TRIM71: variants seen among roughly 807,000 people sequenced by gnomAD.
TRIM71 encodes the protein E3 ubiquitin-protein ligase TRIM71.
A neutral mutation model predicts 61.2 loss-of-function variants in TRIM71; 9 were observed. The ratio of observed to expected loss-of-function variants is 0.15; its 90% CI spans 0.09 to 0.26. The LOEUF is 0.26. Ranked by LOEUF, TRIM71 falls within the 10% of genes least tolerant of loss-of-function variation. TRIM71 has a pLI of 1.00. For synonymous variants in TRIM71, 645 were observed against 553.2 expected, an observed-to-expected ratio of 1.17 and a Z score of -2.33; for missense variants, 998 against 1,238.7, an observed-to-expected ratio of 0.81 and a Z score of 2.92.
intron 1 of TRIM71, among the ~76,000 whole-genome samples, chr3:32,820,149 G>A (rs991198074): frequency 6.6e-6 from 1 of 152,228 alleles, no homozygotes; most frequent in Admixed American, 6.5e-5. Flanking sequence ...GTAAGCTGGA[G>A]ACTGCAGAGG....
At chr3:32,868,636 C>CT (rs113638525) in intron 1 of TRIM71, among the ~76,000 whole-genome samples, 3,442 of 133,984 alleles carry the variant, frequency 0.026, 128 homozygotes, top group African/African-American at 0.085. Flanking sequence ...TAGAATAAAG[C>CT]TTTTTTTTTT....
chr3:32,889,926 A>G (rs138474760), intron 3 of TRIM71, among the ~76,000 whole-genome samples: 1 of 151,860 alleles, frequency 6.6e-6, no homozygotes, highest in South Asian at 2.1e-4. Flanking sequence ...GTATGTGTAT[A>G]TATGTTTGTG....
At chr3:32,862,671 G>T (rs369904390) in intron 1 of TRIM71, among the ~76,000 whole-genome samples, 1 of 152,162 alleles carries the variant, frequency 6.6e-6, no homozygotes, top group East Asian at 1.9e-4. Context: ...TCTGTCTTTC[G>T]TGTCCAGTTT....
intron 1 of TRIM71, among the ~76,000 whole-genome samples, chr3:32,830,632 A>C: frequency 6.6e-6 from 1 of 152,116 alleles, no homozygotes; most frequent in South Asian, 2.1e-4. Flanking sequence ...GCCTCTGTCG[A>C]TATCAGTGGA....
intron 1 of TRIM71, among the ~76,000 whole-genome samples, chr3:32,852,960 A>G (rs866223864): frequency 5.3e-5 from 8 of 152,152 alleles, no homozygotes; most frequent in African/African-American, 1.9e-4. Flanking sequence ...GTGACATGCA[A>G]ACACTTGACA....
Position 32,890,484 on chromosome 3 carries a change from C to T in TRIM71, c.1280C>T (p.Ala427Val), listed in dbSNP as rs771945405. The T allele has an allele frequency of 4.3e-6, 7 of 1,614,040 alleles. No homozygotes were observed. Among genetic ancestry groups the T allele is most frequent in the East Asian group, 2.2e-5 (1 of 44,890 alleles). Reference sequence around the variant, plus strand: ...CAGCAGGTCCTGGAGGAGGGTAGAGCGCTAGACATCCTACTGGCCCGAGAC... The same window carrying T: ...CAGCAGGTCCTGGAGGAGGGTAGAGTGCTAGACATCCTACTGGCCCGAGAC... ...AVQQVLEEGR[A>V]LDILLARDRM... The change falls in exon 4 of 4, where the codon GCG becomes GTG. Residue 427 changes from alanine (A) to valine (V), a missense_variant. This residue lies in a region of TRIM71 where 291 missense variants were observed against 431.2 expected (regional missense o/e 0.67). Coordinates refer to ENST00000383763, the MANE Select transcript of TRIM71 (RefSeq NM_001039111.3). The surrounding 1 kb of genome is among the most constrained non-coding windows in gnomAD (Gnocchi z 6.2).
intron 1 of TRIM71, among the ~76,000 whole-genome samples, chr3:32,863,162 C>T (rs1006982353): frequency 2.7e-5 from 4 of 150,782 alleles, no homozygotes; most frequent in African/African-American, 7.3e-5. Flanking sequence ...GGATTCTCCC[C>T]TCACTTTTGG....
At position 32,892,034 on chromosome 3, in the gene TRIM71, G is replaced by T; in HGVS notation, c.*223G>T. On this transcript the variant is annotated 3_prime_UTR_variant, in exon 4 of 4. Coordinates refer to ENST00000383763, the MANE Select transcript of TRIM71 (RefSeq NM_001039111.3). ...TGAATGTACTTATCTTTTCTGCAGG[G>T]ATTGAGCCTGTGAAGTGATAATTTC... 1.7e-6 allele frequency: 1 copy of T among 572,204 alleles called. No homozygotes were observed. The highest frequency in any genetic ancestry group is 2.8e-6 in the Non-Finnish European group (1 of 355,126). 35.4% of individuals were successfully genotyped at this position (572,204 alleles called of 1,614,324 possible).
chr3:32,862,487 C>A (rs946971702), intron 1 of TRIM71, among the ~76,000 whole-genome samples: 3 of 152,192 alleles, frequency 2.0e-5, no homozygotes, highest in African/African-American at 7.2e-5. Flanking sequence ...TACACTGTTG[C>A]CCGCTGTTTA....
At chr3:32,833,783 A>G (rs1696302223) in intron 1 of TRIM71, among the ~76,000 whole-genome samples, 1 of 151,590 alleles carries the variant, frequency 6.6e-6, no homozygotes, top group Admixed American at 6.6e-5. Flanking sequence ...AAGTGAAGAC[A>G]TTTATGTAGA....
intron 1 of TRIM71, among the ~76,000 whole-genome samples, chr3:32,819,367 G>A (rs1372355594): frequency 6.6e-6 from 1 of 152,194 alleles, no homozygotes; most frequent in African/African-American, 2.4e-5. Context: ...ATAGATTGTT[G>A]CCTTTAAAAT....
intron 3 of TRIM71, among the ~76,000 whole-genome samples, chr3:32,886,371 GT>G (rs1401580607): frequency 6.6e-6 from 1 of 152,204 alleles, no homozygotes; most frequent in Non-Finnish European, 1.5e-5. Flanking sequence ...AGTCGAAACT[GT>G]TGTTAAGAAA....
At chr3:32,862,029 T>G (rs1388207071) in intron 1 of TRIM71, among the ~76,000 whole-genome samples, 1 of 152,228 alleles carries the variant, frequency 6.6e-6, no homozygotes, top group Non-Finnish European at 1.5e-5. Context: ...AACTCTGTAT[T>G]AAAACAAAAT....
At chr3:32,822,947 T>A (rs562778007) in intron 1 of TRIM71, among the ~76,000 whole-genome samples, 117 of 152,250 alleles carry the variant, frequency 7.7e-4, no homozygotes, top group East Asian at 1.4e-3. Flanking sequence ...TTAAAAAAAA[T>A]TTTTTTAAAG....
intron 1 of TRIM71, among the ~76,000 whole-genome samples, chr3:32,830,875 A>G (rs576638318): frequency 8.5e-5 from 13 of 152,086 alleles, no homozygotes; most frequent in Non-Finnish European, 1.9e-4. Context: ...CAGTGGTGCA[A>G]TCTAGGCTCA....
chr3:32,886,224 G>T (rs1263916021), intron 3 of TRIM71, among the ~76,000 whole-genome samples, 156 bp downstream of exon 3: 1 of 152,194 alleles, frequency 6.6e-6, no homozygotes, highest in Non-Finnish European at 1.5e-5. Context: ...AGATGCAGGG[G>T]GTCCCTGGAA....
At position 32,818,212 on chromosome 3, in the gene TRIM71, C is replaced by A; in HGVS notation, c.132C>A (p.Gly44=). 6.4e-7 allele frequency: 1 copy of A among 1,554,102 alleles called. No individual in the cohort carries two copies. The highest frequency in any genetic ancestry group is 8.6e-7 in the Non-Finnish European group (1 of 1,156,204). The change falls in exon 1 of 4, where the codon GGC becomes GGA. Residue 44 remains glycine (G), a synonymous_variant. Transcript: ENST00000383763. ...CGCAGACGTCCACGTCGTCGGGGGG[C>A]GGCGGCGGGGGCCCTGGGGCGGCGG... ...SSSQTSTSSG[G]GGGGPGAAAR... is the part of the protein sequence containing the mutation.
At chr3:32,880,490 C>T (rs1318670771) in intron 2 of TRIM71, among the ~76,000 whole-genome samples, 1 of 152,144 alleles carries the variant, frequency 6.6e-6, no homozygotes, top group South Asian at 2.1e-4. Flanking sequence ...ATCAGAGTTC[C>T]TAACTTATGA....
intron 1 of TRIM71, among the ~76,000 whole-genome samples, chr3:32,868,130 A>G (rs992950810): frequency 1.3e-5 from 2 of 152,094 alleles, no homozygotes; most frequent in Admixed American, 1.3e-4. Context: ...CTTCCACCCA[A>G]GCAGGAGTAG....
Sources: gnomAD v4.1 joint callset for allele counts (sites outside exome capture counted in the v4.1 genomes callset) on GRCh38, gnomAD v4.1.1 for gene constraint, gnomAD v4.1.1 regional missense constraint, Gnocchi (gnomAD v3.1) non-coding constraint, MANE v1.5 for transcripts, NCBI Gene and HGNC (gene_info 2026-07-23, HGNC 2026-07-21) for gene names.